ZNF331: variants seen among roughly 807,000 people sequenced by gnomAD.
The protein encoded by ZNF331 is zinc finger protein 331.
Under a neutral mutation model 7.0 loss-of-function variants are expected in ZNF331, and 2 were observed. That is an observed-to-expected ratio of 0.29 (90% CI 0.12 to 0.90). The LOEUF is 0.90. ZNF331 is among the 40% of genes least tolerant of loss of function. The pLI is 0.58. For synonymous variants in ZNF331, 196 were observed against 205.4 expected (o/e 0.95, Z 0.39); for missense variants, 432 against 587.7 (o/e 0.74, Z 2.74).
chr19:53,559,921 C>A (rs1201508903), intron 3 of ZNF331, among the ~76,000 whole-genome samples: 1 of 149,480 alleles, frequency 6.7e-6, no homozygotes, highest in Non-Finnish European at 1.5e-5. Context: ...CATACATACC[C>A]ACACCATACA....
intron 2 of ZNF331, among the ~76,000 whole-genome samples, chr19:53,552,643 G>T (rs1042670197): frequency 6.6e-6 from 1 of 152,144 alleles, no homozygotes; most frequent in Non-Finnish European, 1.5e-5. Flanking sequence ...AAGGTGGGAG[G>T]ATGACTTGAG....
chr19:53,556,217 TG>T (rs1334273760), intron 3 of ZNF331, among the ~76,000 whole-genome samples: 1 of 128,378 alleles, frequency 7.8e-6, no homozygotes, highest in Non-Finnish European at 1.6e-5. Context: ...CACTCCAGCC[TG>T]GGCAACACAG....
intron 4 of ZNF331, among the ~76,000 whole-genome samples, chr19:53,570,520 T>A (rs2147649978): frequency 6.6e-6 from 1 of 152,154 alleles, no homozygotes; most frequent in East Asian, 1.9e-4. Context: ...CATTCAAACA[T>A]GCAAACCGTA....
At chr19:53,503,942 T>C in the ZNF331 span, 1 of 639,914 alleles carries the variant, frequency 1.6e-6, no homozygotes, top group South Asian at 1.5e-5. Flanking sequence ...CTGCTGTCCT[T>C]CCCTGATGTG....
intron 3 of ZNF331, among the ~76,000 whole-genome samples, chr19:53,565,899 C>T (rs2090130757): frequency 6.6e-6 from 1 of 152,136 alleles, no homozygotes; most frequent in Admixed American, 6.6e-5. Flanking sequence ...GACTACATTT[C>T]AAATCAGTAC....
At chr19:53,506,705 A>G in the ZNF331 span, among the ~76,000 whole-genome samples, 1 of 152,192 alleles carries the variant, frequency 6.6e-6, no homozygotes, top group Non-Finnish European at 1.5e-5. Flanking sequence ...GAGGGCGGAA[A>G]GAGGGTCTTT....
chr19:53,506,450 C>CTCTG, the ZNF331 span, among the ~76,000 whole-genome samples: 6 of 47,654 alleles, frequency 1.3e-4, no homozygotes, highest in African/African-American at 3.3e-4. Flanking sequence ...CTCTGTCTCT[C>CTCTG]TCTCTCTCTC....
intron 5 of ZNF331, among the ~76,000 whole-genome samples, chr19:53,575,956 A>C (rs1219584330): frequency 6.6e-6 from 1 of 151,980 alleles, no homozygotes; most frequent in African/African-American, 2.4e-5. Context: ...TGCTGGGATT[A>C]CAAGCGTGAG....
upstream of ZNF331, among the ~76,000 whole-genome samples, chr19:53,516,177 G>T (rs1223554365): frequency 6.6e-6 from 1 of 152,112 alleles, no homozygotes; most frequent in Non-Finnish European, 1.5e-5. Flanking sequence ...TGGGCCGGGC[G>T]TGGTGGCTCA....
intron 2 of ZNF331, among the ~76,000 whole-genome samples, chr19:53,546,791 C>G (rs2088647508): frequency 6.6e-6 from 1 of 152,210 alleles, no homozygotes; most frequent in Non-Finnish European, 1.5e-5. Flanking sequence ...TCATCAAAGG[C>G]AGAGATGTTT....
At chr19:53,529,155 C>A (rs950686250) in intron 2 of ZNF331, among the ~76,000 whole-genome samples, 1 of 152,104 alleles carries the variant, frequency 6.6e-6, no homozygotes, top group African/African-American at 2.4e-5. Flanking sequence ...ATAATCCCAG[C>A]GCTTTGGGAG....
At chr19:53,513,180 T>C in the ZNF331 span, among the ~76,000 whole-genome samples, 3 of 151,250 alleles carry the variant, frequency 2.0e-5, no homozygotes, top group Non-Finnish European at 4.4e-5. Context: ...CTGAGAAATC[T>C]GTCTGTCTGT....
chr19:53,565,222 CAGAG>C (rs1298950294), intron 3 of ZNF331, among the ~76,000 whole-genome samples: 1 of 152,202 alleles, frequency 6.6e-6, no homozygotes, highest in African/African-American at 2.4e-5. Context: ...GTCACACACT[CAGAG>C]AGGTGCCAGG....
chr19:53,552,868 T>A (rs922899010), intron 2 of ZNF331, among the ~76,000 whole-genome samples: 1 of 152,218 alleles, frequency 6.6e-6, no homozygotes, highest in Non-Finnish European at 1.5e-5. Context: ...TATTCTGATA[T>A]TTAATAGCTG....
chr19:53,559,405 TAC>T (rs1300541803), intron 3 of ZNF331, among the ~76,000 whole-genome samples: 1 of 150,260 alleles, frequency 6.7e-6, no homozygotes, highest in African/African-American at 2.5e-5. Flanking sequence ...CCTACATATA[TAC>T]ACACATACAC....
chr19:53,541,824 G>A (rs2088198059), intron 2 of ZNF331, among the ~76,000 whole-genome samples: 1 of 152,042 alleles, frequency 6.6e-6, no homozygotes, highest in Non-Finnish European at 1.5e-5. Context: ...CTGGGCAACA[G>A]TGAGACTCCA....
intron 5 of ZNF331, among the ~76,000 whole-genome samples, chr19:53,575,300 C>T (rs2090656498): frequency 6.6e-6 from 1 of 152,004 alleles, no homozygotes; most frequent in Non-Finnish European, 1.5e-5. Context: ...GGCCATTTAA[C>T]ATTTTGTAGT....
chr19:53,506,239 G>C, the ZNF331 span, among the ~76,000 whole-genome samples: 2 of 128,184 alleles, frequency 1.6e-5, no homozygotes, highest in Non-Finnish European at 3.3e-5. Context: ...GGAGGCTGAG[G>C]CAGGAGAATG....
chr19:53,528,789 C>CT (rs11295331), intron 2 of ZNF331, among the ~76,000 whole-genome samples: 3,884 of 149,238 alleles, frequency 0.026, 72 homozygotes, highest in South Asian at 0.045. Flanking sequence ...TCAGATATTT[C>CT]TTTTTTTTTT....
Sources: gnomAD v4.1 joint callset for allele counts (sites outside exome capture counted in the v4.1 genomes callset) on GRCh38, gnomAD v4.1.1 for gene constraint, MANE v1.5 for transcripts, NCBI Gene and HGNC (gene_info 2026-07-23, HGNC 2026-07-21) for gene names.